APBB1IP: variants seen among roughly 807,000 people sequenced by gnomAD.
APBB1IP encodes the protein amyloid beta A4 precursor protein-binding family B member 1-interacting protein.
In APBB1IP, 27 loss-of-function variants were observed where a neutral mutation model predicts 64.9. The ratio of observed to expected loss-of-function variants is 0.42; its 90% CI spans 0.31 to 0.57. APBB1IP has a LOEUF of 0.57. Ranked by LOEUF, APBB1IP falls within the 20% of genes least tolerant of loss-of-function variation. The pLI, the probability that APBB1IP is intolerant of heterozygous loss-of-function variation, is 0.20. For missense variants in APBB1IP, 812 were observed against 845.5 expected (o/e 0.96, Z 0.49); for synonymous variants, 392 against 331.0 (o/e 1.18, Z -2.00).
In APBB1IP at chr10:26,500,956, C is replaced by T. The variant is rs1564362016; in HGVS notation, c.298C>T (p.Gln100Ter). The T allele has an allele frequency of 1.2e-6, 2 of 1,614,172 alleles. No individual in the cohort carries two copies. The highest frequency in any genetic ancestry group is 1.7e-6 in the Non-Finnish European group (2 of 1,180,026). ...LQNQHHSASL[Q>*]ASIFSGAASL... ...GAATCAACATCATTCAGCATCTCTA[C>T]AAGCATCAATTTTCAGTGGTGCAGC... is the stretch of plus-strand genomic sequence containing the variant. Residue 100 changes from glutamine to a stop codon, truncating the protein, a stop_gained, in exon 5 of 15, where the codon CAA becomes TAA. Coordinates refer to ENST00000376236, the MANE Select transcript of APBB1IP (RefSeq NM_019043.4). LOFTEE classifies it high-confidence loss of function.
At chr10:26,554,980 C>T (rs1308144700) in intron 11 of APBB1IP, among the ~76,000 whole-genome samples, 2 of 152,104 alleles carry the variant, frequency 1.3e-5, no homozygotes, top group South Asian at 4.2e-4. Context: ...AATAAGGTTA[C>T]ATTCATAGGT....
chr10:26,503,543 G>A (rs1251598097), intron 6 of APBB1IP, among the ~76,000 whole-genome samples: 1 of 152,132 alleles, frequency 6.6e-6, no homozygotes, highest in African/African-American at 2.4e-5. Flanking sequence ...GCTGAGGAAG[G>A]AGAATTGCTT....
intron 8 of APBB1IP, among the ~76,000 whole-genome samples, chr10:26,529,420 G>T (rs1836520163): frequency 6.6e-6 from 1 of 152,234 alleles, no homozygotes; most frequent in South Asian, 2.1e-4. Context: ...GTGTAGCATG[G>T]TCACTTAGAA....
intron 5 of APBB1IP, chr10:26,501,731 A>G (rs758139757): frequency 1.3e-5 from 2 of 152,600 alleles, no homozygotes; most frequent in East Asian, 3.8e-4. Flanking sequence ...AAGTAAAAAG[A>G]GCACTTTTAA....
Position 26,567,300 on chromosome 10 carries a change from C to CCGCCGCCCG in APBB1IP, c.1817_1818insGCCCGCGCC (p.Pro606_Ala607insProAlaPro), listed in dbSNP as rs1837064593. On this transcript the variant is annotated inframe_insertion, in exon 15 of 15. Coordinates refer to ENST00000376236, the MANE Select transcript of APBB1IP (RefSeq NM_019043.4). ...AGAGCTGCCCCCGCCGCCGCCGCCG[C>CCGCCGCCCG]CGCCCGCGCCCGCGCCCGCCCCCGT... 1 of 1,076,814 alleles carries CCGCCGCCCG rather than the reference C, an allele frequency of 9.3e-7. No homozygotes were observed. Among genetic ancestry groups the CCGCCGCCCG allele is most frequent in the Non-Finnish European group, 1.1e-6 (1 of 883,772 alleles). The allele number at this position is 1,076,814 out of a possible 1,614,324, so 66.7% of individuals were successfully genotyped here.
intron 11 of APBB1IP, among the ~76,000 whole-genome samples, chr10:26,548,236 TG>T (rs1161223380): frequency 6.6e-6 from 1 of 152,146 alleles, no homozygotes; most frequent in African/African-American, 2.4e-5. Flanking sequence ...GTGCACAACG[TG>T]CAGGTTAGTT....
intron 4 of APBB1IP, among the ~76,000 whole-genome samples, chr10:26,499,117 T>C (rs112164180): frequency 0.025 from 3,798 of 151,964 alleles, 135 homozygotes; most frequent in African/African-American, 0.079. Flanking sequence ...AATTAAAAAA[T>C]TAGCCAGGCA....
intron 8 of APBB1IP, among the ~76,000 whole-genome samples, chr10:26,525,142 C>T (rs562004534): frequency 7.9e-5 from 12 of 151,400 alleles, no homozygotes; most frequent in South Asian, 2.1e-4. Context: ...ATTAGCTGGG[C>T]GGGGTGACAC....
rs1421055126 is a variant in APBB1IP at position 26,567,108 on chromosome 10, A to T, written c.1621A>T (p.Thr541Ser). ...SPATPLKAKG[T>S]GGGGLPAPPD... The stretch of plus-strand genomic sequence containing the variant: ...CGCCACGCCCCTCAAGGCCAAGGGC[A>T]CAGGCGGCGGGGGCTTGCCCGCCCC... The change falls in exon 15 of 15, where the codon ACA (threonine) becomes TCA (serine). Residue 541 changes from threonine to serine, a missense_variant. This residue lies in a region of APBB1IP where 381 missense variants were observed against 352.1 expected (regional missense o/e 1.08). Transcript: ENST00000376236. 4.9e-6 allele frequency: 7 copies of T among 1,436,552 alleles called. No homozygotes were observed. Among genetic ancestry groups the T allele is most frequent in the Non-Finnish European group, 6.3e-6 (7 of 1,109,576 alleles). 89.0% of individuals were successfully genotyped at this position (1,436,552 alleles called of 1,614,324 possible).
chr10:26,560,765 T>C lies in APBB1IP; in HGVS notation c.1290T>C (p.Ala430=). The C allele has an allele frequency of 6.2e-7, 1 of 1,605,356 alleles. No homozygotes were observed. The highest frequency in any genetic ancestry group is 8.5e-7 in the Non-Finnish European group (1 of 1,175,204). ...CTCTCTATGATAACTACCAGCGGGC[T>C]GTGGCAAAGGCTGGACTTGCCTCTC... ...GKTLYDNYQR[A]VAKAGLASRW... Residue 430 remains alanine (A), a synonymous_variant, in exon 13 of 15, where the codon GCT becomes GCC. Coordinates refer to ENST00000376236, the MANE Select transcript of APBB1IP (RefSeq NM_019043.4).
At chr10:26,457,266 G>T (rs992864325) in intron 2 of APBB1IP, among the ~76,000 whole-genome samples, 10 of 152,070 alleles carry the variant, frequency 6.6e-5, no homozygotes, top group African/African-American at 2.4e-4. Flanking sequence ...TCTAATGTAC[G>T]CTTCTTTTTC....
In APBB1IP at chr10:26,465,465, A is replaced by G. The variant is rs188016973; in HGVS notation, c.-1+26612A>G. ...AAATTAGTAATAATGCTGACATTTT[A>G]TATATTATGTGTCATAATGATATAA... On this transcript the variant is annotated intron_variant, in intron 2 of 14. Coordinates refer to ENST00000376236, the MANE Select transcript of APBB1IP (RefSeq NM_019043.4). Among the ~76,000 whole-genome samples the G allele has an allele frequency of 6.3e-3, 959 of 152,342 alleles. 11 individuals carry two copies. The highest frequency in any genetic ancestry group is 0.022 in the African/African-American group (896 of 41,590).
intron 4 of APBB1IP, among the ~76,000 whole-genome samples, 153 bp downstream of exon 4, chr10:26,496,544 T>C (rs1448642457): frequency 2.0e-5 from 3 of 152,126 alleles, no homozygotes; most frequent in East Asian, 1.9e-4. Context: ...TTTTACTGTG[T>C]CTAGATTGAA....
chr10:26,468,699 A>G (rs2132412126), intron 2 of APBB1IP, among the ~76,000 whole-genome samples: 1 of 152,346 alleles, frequency 6.6e-6, no homozygotes, highest in Non-Finnish European at 1.5e-5. Flanking sequence ...ACAGTAACTA[A>G]GTAATAGCCA....
chr10:26,564,541 G>A (rs1472640457), intron 14 of APBB1IP, among the ~76,000 whole-genome samples: 2 of 152,192 alleles, frequency 1.3e-5, no homozygotes, highest in South Asian at 2.1e-4. Flanking sequence ...AGTGGCTCAC[G>A]CCTGTAATTC....
intron 8 of APBB1IP, among the ~76,000 whole-genome samples, chr10:26,528,393 C>CT (rs908342182): frequency 6.6e-6 from 1 of 152,156 alleles, no homozygotes; most frequent in Non-Finnish European, 1.5e-5. Context: ...TATTCTTATT[C>CT]TTTTTTTCCC....
chr10:26,531,337 A>G (rs1836550331), intron 8 of APBB1IP, among the ~76,000 whole-genome samples: 1 of 151,292 alleles, frequency 6.6e-6, no homozygotes, highest in Non-Finnish European at 1.5e-5. Flanking sequence ...CGCTGTCTCA[A>G]AAAAACAAAA....
At chr10:26,533,700 T>G (rs2132463378) in intron 9 of APBB1IP, among the ~76,000 whole-genome samples, 175 bp downstream of exon 9, 1 of 152,366 alleles carries the variant, frequency 6.6e-6, no homozygotes. Context: ...ACTGTTTTTC[T>G]TTTTTGAGTC....
chr10:26,535,651 A>G lies in APBB1IP; in HGVS notation c.901-423A>G, dbSNP rs369026281. Among the ~76,000 whole-genome samples the G allele has an allele frequency of 3.3e-5, 5 of 152,312 alleles. No homozygotes were observed. In the South Asian group the frequency reaches 8.3e-4, roughly 25 times the overall value. ...TCTATTTACCAGCAATGAAATGGTA[A>G]CTTTTTTACTTATCAGGAAAGTAAT... On this transcript the variant is annotated intron_variant, in intron 9 of 14. Transcript: ENST00000376236.
Sources: gnomAD v4.1 joint callset for allele counts (sites outside exome capture counted in the v4.1 genomes callset) on GRCh38, gnomAD v4.1.1 for gene constraint, gnomAD v4.1.1 regional missense constraint, MANE v1.5 for transcripts, NCBI Gene and HGNC (gene_info 2026-07-23, HGNC 2026-07-21) for gene names.